Variants in UNC13C observed in about 807,000 individuals in gnomAD.
UNC13C encodes unc-13 homolog C.
UNC13C carries 174 observed loss-of-function variants against 245.4 expected under a neutral mutation model. That is an observed-to-expected ratio of 0.71 (90% CI 0.63 to 0.80). The LOEUF (loss-of-function observed/expected upper bound fraction) is 0.80, where lower values mean the gene tolerates loss of function less well. UNC13C is among the 30% of genes least tolerant of loss of function. UNC13C has a pLI of 0.00. For synonymous variants in UNC13C, 992 were observed against 895.1 expected, an observed-to-expected ratio of 1.11 and a Z score of -1.93; for missense variants, 2,829 against 2,602.9, an observed-to-expected ratio of 1.09 and a Z score of -1.89.
chr15:54,259,122 C>T (rs1335141266), intron 8 of UNC13C, among the ~76,000 whole-genome samples: 1 of 152,216 alleles, frequency 6.6e-6, no homozygotes, highest in East Asian at 1.9e-4. Context: ...TTCTTGAGGG[C>T]TCTGCTTTCA....
rs879617277 is a variant in UNC13C, at chr15:54,108,134, A to G, written c.2984-34884A>G. On this transcript the variant is annotated intron_variant, in intron 2 of 32. Transcript: ENST00000260323. ...TTGGATCTGTAGACAGCATTTAGAG[A>G]TAATGGTTGGATGATAGTTTTCTAT... Among the ~76,000 whole-genome samples the G allele has an allele frequency of 1.8e-4, 28 of 152,188 alleles. 1 individual carries two copies. The highest frequency in any genetic ancestry group is 9.8e-4 in the Admixed American group (15 of 15,290).
chr15:54,076,073 T>TA (rs1390843765), intron 2 of UNC13C, among the ~76,000 whole-genome samples: 1 of 149,324 alleles, frequency 6.7e-6, no homozygotes, highest in Non-Finnish European at 1.5e-5. Context: ...CTTTTTTTTT[T>TA]TTTTTCACTT....
At chr15:54,184,113 A>G (rs1227676492) in intron 4 of UNC13C, among the ~76,000 whole-genome samples, 1 of 152,114 alleles carries the variant, frequency 6.6e-6, no homozygotes, top group African/African-American at 2.4e-5. Context: ...CTGATTTAGT[A>G]TGTTTTTAGA....
At position 54,075,550 on chromosome 15, in the gene UNC13C, TCAAAAAAAAAAA is replaced by T. The variant is rs1476343585; in HGVS notation, c.2983+59665_2983+59676del. Among the ~76,000 whole-genome samples, 4 of 15,420 alleles carry T rather than the reference TCAAAAAAAAAAA, an allele frequency of 2.6e-4. 1 individual carries two copies. Among genetic ancestry groups the T allele is most frequent in the African/African-American group, 8.4e-4 (4 of 4,742 alleles). The allele number at this position is 15,420 out of a possible 152,430, so 10.1% of individuals were successfully genotyped here. ...CCGGGCGACAGAGCGAGACTCTGTC[TCAAAAAAAAAAA>T]AAAAAAAAAAAAAAAAGGAGTGTCC... On this transcript the variant is annotated intron_variant, in intron 2 of 32. Coordinates refer to ENST00000260323, the MANE Select transcript of UNC13C (RefSeq NM_001080534.3).
chr15:54,400,650 T>A lies in UNC13C; in HGVS notation c.4847+7469T>A, dbSNP rs61404786. On this transcript the variant is annotated intron_variant, in intron 18 of 32. Coordinates refer to ENST00000260323, the MANE Select transcript of UNC13C (RefSeq NM_001080534.3). The stretch of plus-strand genomic sequence containing the variant: ...TGATTAGTGCTGACAGTCTTATTTC[T>A]TCATTGAAAATTTCTTCATCAACCT... 4.6e-3 allele frequency among the ~76,000 whole-genome samples: 696 copies of A among 152,302 alleles called. 34 individuals are homozygous for A. The East Asian group carries it at 0.1, about 22-fold the overall frequency.
chr15:54,259,233 G>A (rs74365872), intron 8 of UNC13C, among the ~76,000 whole-genome samples: 16 of 152,204 alleles, frequency 1.1e-4, no homozygotes, highest in African/African-American at 2.9e-4. Context: ...TTCAGACTAC[G>A]CCAGTTAGTT....
At chr15:54,569,300 A>G (rs954006506) in intron 30 of UNC13C, among the ~76,000 whole-genome samples, 1 of 152,146 alleles carries the variant, frequency 6.6e-6, no homozygotes, top group Admixed American at 6.6e-5. Context: ...AACAAAATTT[A>G]TGGATGCTCA....
At chr15:54,087,013 C>A (rs147650674) in intron 2 of UNC13C, among the ~76,000 whole-genome samples, 2 of 152,024 alleles carry the variant, frequency 1.3e-5, no homozygotes, top group African/African-American at 4.8e-5. Context: ...GGATTACAGA[C>A]GTGAGCCACT....
At chr15:53,905,099 T>G in the UNC13C span, among the ~76,000 whole-genome samples, 1 of 152,080 alleles carries the variant, frequency 6.6e-6, no homozygotes, top group African/African-American at 2.4e-5. Context: ...AGTTTAGGTT[T>G]TAAAATATAG....
intron 2 of UNC13C, among the ~76,000 whole-genome samples, chr15:54,032,861 A>G (rs541704606): frequency 1.3e-5 from 2 of 152,356 alleles, no homozygotes; most frequent in Admixed American, 6.5e-5. Flanking sequence ...GGAGACAATT[A>G]TTCTAAGTGA....
chr15:54,350,873 GA>G (rs1315316513), intron 17 of UNC13C, among the ~76,000 whole-genome samples: 1 of 152,040 alleles, frequency 6.6e-6, no homozygotes, highest in African/African-American at 2.4e-5. Flanking sequence ...ATGGTGATAG[GA>G]AAAAATGAAT....
the UNC13C span, among the ~76,000 whole-genome samples, chr15:53,894,112 T>C: frequency 1.3e-5 from 2 of 152,180 alleles, no homozygotes; most frequent in African/African-American, 4.8e-5. Flanking sequence ...CCGACACCTG[T>C]GCTTCCCAGG....
intron 2 of UNC13C, among the ~76,000 whole-genome samples, chr15:54,054,317 C>T (rs556163661): frequency 6.6e-6 from 1 of 152,290 alleles, no homozygotes; most frequent in African/African-American, 2.4e-5. Context: ...CTCTAGTGCT[C>T]TTGTCAATCT....
chr15:53,858,033 T>C, the UNC13C span, among the ~76,000 whole-genome samples: 1 of 152,218 alleles, frequency 6.6e-6, no homozygotes, highest in African/African-American at 2.4e-5. Context: ...TAAAAGAAAA[T>C]GACAAACATT....
chr15:54,563,135 G>T (rs1202893693), intron 29 of UNC13C, among the ~76,000 whole-genome samples: 1 of 151,806 alleles, frequency 6.6e-6, no homozygotes, highest in Non-Finnish European at 1.5e-5. Flanking sequence ...TTTCCTCTTT[G>T]CCATCTCATT....
chr15:54,094,582 T>G (rs1352190081), intron 2 of UNC13C, among the ~76,000 whole-genome samples: 1 of 152,218 alleles, frequency 6.6e-6, no homozygotes, highest in Non-Finnish European at 1.5e-5. Context: ...AAATTGTTTT[T>G]AGAATTTGTT....
At chr15:53,851,514 A>ATC in the UNC13C span, among the ~76,000 whole-genome samples, 7 of 150,638 alleles carry the variant, frequency 4.6e-5, no homozygotes, top group South Asian at 2.1e-4. Context: ...AGTAAACAGA[A>ATC]TCTCTCTCTC....
rs114884735 is a variant in UNC13C, at chr15:54,274,221, A to G, written c.3818+8725A>G. On this transcript the variant is annotated intron_variant, in intron 10 of 32. Coordinates refer to ENST00000260323, the MANE Select transcript of UNC13C (RefSeq NM_001080534.3). ...CAATAGGATAGATATTTGACTCCAA[A>G]TAAAAGATGTTTAAAGCAAGGTAAT... 1.7e-3 allele frequency among the ~76,000 whole-genome samples: 258 copies of G among 152,326 alleles called. 1 individual carries two copies. The highest frequency in any genetic ancestry group is 0.014 in the Middle Eastern group (4 of 294).
intron 13 of UNC13C, among the ~76,000 whole-genome samples, chr15:54,317,857 G>A (rs916682138): frequency 4.0e-5 from 6 of 151,734 alleles, no homozygotes; most frequent in Non-Finnish European, 8.8e-5. Context: ...TTAATAAAAT[G>A]TTATATCCTT....
Sources: gnomAD v4.1 joint callset for allele counts (sites outside exome capture counted in the v4.1 genomes callset) on GRCh38, gnomAD v4.1.1 for gene constraint, MANE v1.5 for transcripts, NCBI Gene and HGNC (gene_info 2026-07-23, HGNC 2026-07-21) for gene names.